Variants in TENM1 observed in about 807,000 individuals in gnomAD.
The protein encoded by TENM1 is teneurin-1.
Under a neutral mutation model 174.8 loss-of-function variants are expected in TENM1, and 35 were observed. The ratio of observed to expected loss-of-function variants is 0.20; its 90% CI spans 0.15 to 0.27. The LOEUF is 0.27. Among genes scored for constraint, TENM1 ranks in the 10% least tolerant of loss-of-function variants. The probability of loss-of-function intolerance (pLI) is 1.00; values close to 1 mark genes in which losing one functional copy is unlikely to be tolerated. For missense variants in TENM1, 1,633 were observed against 2,130.1 expected (o/e 0.77, Z 4.59); for synonymous variants, 781 against 798.7 (o/e 0.98, Z 0.37).
intron 11 of TENM1, among the ~76,000 whole-genome samples, chrX:124,637,179 T>C (rs1237703438): frequency 1.9e-5 from 2 of 107,565 alleles, no homozygotes; most frequent in Non-Finnish European, 3.8e-5. Flanking sequence ...AACCTCCGCC[T>C]CCCGGGTTCA....
intron 1 of TENM1, among the ~76,000 whole-genome samples, chrX:124,932,522 T>C (rs1255668654): frequency 8.9e-6 from 1 of 111,995 alleles, no homozygotes; most frequent in Non-Finnish European, 1.9e-5. Context: ...TGCAAAGCTG[T>C]GAATGTCAGA....
At chrX:124,405,673 C>T (rs1447589492) in intron 26 of TENM1, among the ~76,000 whole-genome samples, 1 of 110,877 alleles carries the variant, frequency 9.0e-6, no homozygotes, top group Admixed American at 9.6e-5. Context: ...AGTTGCCGTA[C>T]TCCACAAAAT....
chrX:124,732,404 C>A (rs2053583987), intron 4 of TENM1, among the ~76,000 whole-genome samples: 1 of 111,957 alleles, frequency 8.9e-6, no homozygotes, highest in African/African-American at 3.3e-5. Context: ...AAATGACTGA[C>A]TGCTGAGAGT....
intron 21 of TENM1, among the ~76,000 whole-genome samples, chrX:124,483,734 C>G (rs1256826810): frequency 8.9e-6 from 1 of 111,737 alleles, no homozygotes; most frequent in African/African-American, 3.3e-5. Flanking sequence ...TACTTGTGTG[C>G]AAGATACACA....
the TENM1 span, among the ~76,000 whole-genome samples, chrX:125,162,023 C>G: frequency 1.8e-5 from 2 of 111,594 alleles, no homozygotes; most frequent in East Asian, 5.7e-4. Flanking sequence ...AGGCTCCTTG[C>G]GGTAAAGAGG....
At chrX:124,866,160 T>G (rs1293949486) in intron 3 of TENM1, among the ~76,000 whole-genome samples, 1 of 112,055 alleles carries the variant, frequency 8.9e-6, no homozygotes, top group Non-Finnish European at 1.9e-5. Context: ...ACCACATGGA[T>G]GTAATAGATA....
intron 15 of TENM1, among the ~76,000 whole-genome samples, chrX:124,545,856 T>C (rs936898357): frequency 1.8e-5 from 2 of 111,659 alleles, no homozygotes; most frequent in African/African-American, 3.3e-5. Flanking sequence ...GCCAGAGACC[T>C]AGAGAGTCAG....
exon 1 of TENM1, chrX:124,963,764 G>A: frequency 8.4e-7 from 1 of 1,195,362 alleles, no homozygotes; most frequent in Non-Finnish European, 1.1e-6. Context: ...CTCTGATTAA[G>A]CAAGCTCAGT....
intron 11 of TENM1, among the ~76,000 whole-genome samples, chrX:124,575,027 G>A (rs1394986977): frequency 1.8e-5 from 2 of 111,948 alleles, no homozygotes; most frequent in Non-Finnish European, 3.8e-5. Context: ...TAGAACACAC[G>A]TGCACACATG....
chrX:125,071,183 T>C, the TENM1 span, among the ~76,000 whole-genome samples: 1 of 111,729 alleles, frequency 9.0e-6, no homozygotes, highest in Admixed American at 9.5e-5. Flanking sequence ...AGCGACCAGA[T>C]CTCTCTGTTA....
At chrX:125,052,380 C>A in the TENM1 span, among the ~76,000 whole-genome samples, 7 of 111,864 alleles carry the variant, frequency 6.3e-5, no homozygotes, top group East Asian at 2.0e-3. Context: ...GAAACGAGAA[C>A]ACATAATTAA....
In TENM1 at chrX:124,764,617, T is replaced by C. The variant is rs139604889; in HGVS notation, c.536-27420A>G. Among the ~76,000 whole-genome samples the C allele has an allele frequency of 4.0e-3, 437 of 109,968 alleles. 3 individuals carry two copies. Among genetic ancestry groups the C allele is most frequent in the African/African-American group, 0.014 (414 of 30,262 alleles). Reference sequence around the variant, plus strand: ...ATGGAGTGACAAATGTGTTCCAGTTTCTGCAAAATAAACTGAAGCAAAGGC... The same window carrying C: ...ATGGAGTGACAAATGTGTTCCAGTTCCTGCAAAATAAACTGAAGCAAAGGC... On this transcript the variant is annotated intron_variant, in intron 3 of 31. Coordinates refer to ENST00000422452, the Ensembl canonical transcript of TENM1.
chrX:124,737,139 C>CGGAGGT (rs1871971240), exon 4 of TENM1: 1 of 1,206,729 alleles, frequency 8.3e-7, no homozygotes, highest in African/African-American at 1.8e-5. Context: ...CATGAGGAGG[C>CGGAGGT]GGAGGTGGCG....
intron 3 of TENM1, among the ~76,000 whole-genome samples, chrX:124,827,679 A>T (rs1478079609): frequency 8.9e-6 from 1 of 111,897 alleles, no homozygotes; most frequent in Non-Finnish European, 1.9e-5. Flanking sequence ...ATTGCCACCA[A>T]AGTCAATAAA....
At chrX:125,075,435 A>C in the TENM1 span, among the ~76,000 whole-genome samples, 15 of 111,603 alleles carry the variant, frequency 1.3e-4, no homozygotes, top group Admixed American at 1.4e-3. Flanking sequence ...ATTAGGAATA[A>C]TACTATTATG....
the TENM1 span, among the ~76,000 whole-genome samples, chrX:125,187,239 G>A: frequency 5.3e-5 from 6 of 112,347 alleles, no homozygotes; most frequent in East Asian, 2.8e-4. Context: ...CAGCCTGGGC[G>A]ACGGGGCAAG....
intron 20 of TENM1, among the ~76,000 whole-genome samples, chrX:124,495,613 C>T (rs1485613121): frequency 1.8e-5 from 2 of 110,147 alleles, no homozygotes; most frequent in Non-Finnish European, 3.8e-5. Context: ...AATGGTAATG[C>T]CTAGGTTTTC....
At chrX:125,172,388 G>A in the TENM1 span, among the ~76,000 whole-genome samples, 1 of 110,344 alleles carries the variant, frequency 9.1e-6, no homozygotes, top group Non-Finnish European at 1.9e-5. Flanking sequence ...AAGGTCCCAC[G>A]GTGAATGTGG....
intron 11 of TENM1, among the ~76,000 whole-genome samples, chrX:124,611,330 C>T (rs1379044819): frequency 9.0e-6 from 1 of 111,718 alleles, no homozygotes; most frequent in African/African-American, 3.3e-5. Flanking sequence ...GTGATGATGC[C>T]TAACTGAAAT....
Sources: allele counts gnomAD v4.1 joint callset (sites outside exome capture counted in the v4.1 genomes callset), GRCh38; gene constraint gnomAD v4.1.1; transcripts MANE v1.5; gene names NCBI Gene and HGNC (gene_info 2026-07-23, HGNC 2026-07-21).